The following AK5 variants were observed in gnomAD, a reference collection of about 807,000 sequenced individuals.
AK5 encodes the protein adenylate kinase 5, also known as adenylate kinase isoenzyme 5.
AK5 carries 27 observed loss-of-function variants against 69.5 expected under a neutral mutation model. The observed-to-expected ratio is 0.39, with a 90% CI of 0.29 to 0.54. The LOEUF (loss-of-function observed/expected upper bound fraction) is 0.54, where lower values mean the gene tolerates loss of function less well. AK5 is among the 20% of genes least tolerant of loss of function. AK5 has a pLI of 0.71. For missense variants in AK5, 531 were observed against 700.4 expected (o/e 0.76, Z 2.73); for synonymous variants, 260 against 244.4 (o/e 1.06, Z -0.60).
rs1233052684 is a variant in AK5, at chr1:77,378,288, C to T, written c.892-32693C>T. ...ATAATCTCTGCAATGTGATGACTTA[C>T]ATTGTAAGGTCCTTACACTACAGGA... On this transcript the variant is annotated intron_variant, in intron 6 of 13. Coordinates refer to ENST00000354567, the MANE Select transcript of AK5 (RefSeq NM_174858.3). 2.0e-5 allele frequency among the ~76,000 whole-genome samples: 3 copies of T among 152,130 alleles called. No individual in the cohort carries two copies. In the East Asian group the frequency reaches 5.8e-4, roughly 29 times the overall value.
chr1:77,421,342 AAGCCAGGATTCAAAAGGTAG>A (rs1273160416), intron 8 of AK5, among the ~76,000 whole-genome samples: 1 of 152,182 alleles, frequency 6.6e-6, no homozygotes, highest in Non-Finnish European at 1.5e-5. Context: ...GCAAGAGGTA[AAGCCAGGATTCAAAAGGTAG>A]AGCTAGGATT....
At chr1:77,427,312 G>A (rs529455555) in intron 8 of AK5, among the ~76,000 whole-genome samples, 80 of 152,008 alleles carry the variant, frequency 5.3e-4, no homozygotes, top group African/African-American at 1.8e-3. Context: ...AATAGAAGAT[G>A]GGAAATCACT....
At chr1:77,368,338 G>A (rs1179166722) in intron 6 of AK5, among the ~76,000 whole-genome samples, 1,116 of 109,748 alleles carry the variant, frequency 0.01, 16 homozygotes, top group African/African-American at 0.035. Context: ...TGTTATATAT[G>A]TTATATATAT....
At chr1:77,393,705 C>T (rs1648638298) in intron 6 of AK5, among the ~76,000 whole-genome samples, 1 of 152,192 alleles carries the variant, frequency 6.6e-6, no homozygotes, top group South Asian at 2.1e-4. Context: ...GCATTCCATA[C>T]CCACATGACA....
At chr1:77,364,958 T>C (rs926790625) in intron 6 of AK5, among the ~76,000 whole-genome samples, 2 of 152,154 alleles carry the variant, frequency 1.3e-5, no homozygotes, top group Non-Finnish European at 2.9e-5. Flanking sequence ...CTGTTCTCCA[T>C]AGTGGCTGTA....
chr1:77,523,736 A>C (rs960777068), intron 12 of AK5, among the ~76,000 whole-genome samples: 2 of 152,100 alleles, frequency 1.3e-5, no homozygotes, highest in Non-Finnish European at 2.9e-5. Flanking sequence ...GCAGTGGTGC[A>C]TTCATAGCTC....
At chr1:77,474,539 A>G (rs1010862718) in intron 8 of AK5, among the ~76,000 whole-genome samples, 4 of 152,176 alleles carry the variant, frequency 2.6e-5, no homozygotes, top group African/African-American at 9.7e-5. Flanking sequence ...TGTTGCTTCT[A>G]TGACAGTGAT....
At chr1:77,549,965 T>C (rs1659742430) in intron 13 of AK5, among the ~76,000 whole-genome samples, 1 of 151,814 alleles carries the variant, frequency 6.6e-6, no homozygotes, top group South Asian at 2.1e-4. Context: ...TATTTATTTT[T>C]TTTTTTTAAG....
rs918119457 is a variant in AK5, at chr1:77,293,634, C to T, written c.248-159C>T. 144 of 596,404 alleles carry T rather than the reference C, an allele frequency of 2.4e-4. 1 individual carries two copies. The East Asian group carries it at 4.5e-3, about 19-fold the overall frequency. 36.9% of individuals were successfully genotyped at this position (596,404 alleles called of 1,614,324 possible). A position where few individuals can be genotyped will look rare whatever the true frequency, so the allele number is the denominator to read the frequency against. The stretch of plus-strand genomic sequence containing the variant: ...AGCCCAAAATATTGACTATCTGACC[C>T]TTTACAATAAAGCCTGCTGACCACT... On this transcript the variant is annotated intron_variant, in intron 2 of 13. Transcript: ENST00000354567.
rs567379851 is a variant in AK5 at position 77,558,647 on chromosome 1, A to G, written c.1666A>G (p.Thr556Ala). The G allele has an allele frequency of 2.6e-6, 4 of 1,556,994 alleles. No homozygotes were observed. The South Asian group carries it at 3.4e-5, about 13-fold the overall frequency. Residue 556 changes from threonine (T) to alanine (A), a missense_variant, in exon 14 of 14, where the codon ACA (threonine) becomes GCA (alanine). Thr to Ala is a moderately conservative substitution (Grantham distance 58). Coordinates refer to ENST00000354567, the MANE Select transcript of AK5 (RefSeq NM_174858.3). ...TPEDVFLQLC[T>A]AIDSIF ...AGAGGACGTTTTTCTTCAACTCTGC[A>G]CAGCTATTGACTCTATTTTCTGAAG...
At chr1:77,482,911 C>G (rs1042322139) in intron 8 of AK5, among the ~76,000 whole-genome samples, 1 of 144,962 alleles carries the variant, frequency 6.9e-6, no homozygotes, top group Non-Finnish European at 1.5e-5. Flanking sequence ...GCTGTGATCA[C>G]ACCTACCACT....
chr1:77,294,220 A>G (rs1658858327), intron 3 of AK5, among the ~76,000 whole-genome samples: 1 of 152,222 alleles, frequency 6.6e-6, no homozygotes, highest in Non-Finnish European at 1.5e-5. Context: ...TAATGAATCG[A>G]AAGTAATACC....
chr1:77,499,797 C>T (rs762320944), intron 10 of AK5, among the ~76,000 whole-genome samples: 1 of 149,766 alleles, frequency 6.7e-6, no homozygotes, highest in South Asian at 2.1e-4. Flanking sequence ...TGCTAGAAGG[C>T]CAGTGATAGC....
At chr1:77,373,918 AATAAGT>A (rs1647173603) in intron 6 of AK5, among the ~76,000 whole-genome samples, 3 of 152,204 alleles carry the variant, frequency 2.0e-5, no homozygotes, top group African/African-American at 4.8e-5. Context: ...ATTACACTGT[AATAAGT>A]ATATCAGAAA....
chr1:77,438,651 A>C (rs945226873), intron 8 of AK5, among the ~76,000 whole-genome samples: 3 of 152,200 alleles, frequency 2.0e-5, no homozygotes, highest in Non-Finnish European at 2.9e-5. Context: ...ATAGATGTGC[A>C]TAACCAGACC....
intron 13 of AK5, among the ~76,000 whole-genome samples, chr1:77,558,110 A>G (rs559550266): frequency 3.9e-5 from 6 of 152,296 alleles, no homozygotes; most frequent in Non-Finnish European, 7.4e-5. Context: ...AATACTGAAG[A>G]TCATCCTGGG....
intron 6 of AK5, among the ~76,000 whole-genome samples, chr1:77,364,829 A>G (rs561021000): frequency 2.6e-5 from 4 of 152,346 alleles, no homozygotes; most frequent in Admixed American, 2.6e-4. Context: ...TTCAATAAAC[A>G]TGGGGGTACA....
At chr1:77,463,180 TC>T (rs979538745) in intron 8 of AK5, among the ~76,000 whole-genome samples, 11 of 152,324 alleles carry the variant, frequency 7.2e-5, no homozygotes, top group African/African-American at 2.6e-4. Flanking sequence ...CCCCAACTCC[TC>T]CCTGACTGAC....
chr1:77,441,352 A>G (rs1211812393), intron 8 of AK5, among the ~76,000 whole-genome samples: 1 of 152,072 alleles, frequency 6.6e-6, no homozygotes, highest in East Asian at 1.9e-4. Flanking sequence ...GTGATATTAA[A>G]CTTCCATGCT....
Sources: gnomAD v4.1 joint callset for allele counts (sites outside exome capture counted in the v4.1 genomes callset) on GRCh38, gnomAD v4.1.1 for gene constraint, MANE v1.5 for transcripts, NCBI Gene and HGNC (gene_info 2026-07-23, HGNC 2026-07-21) for gene names.